ESRRG: variants seen among roughly 807,000 people sequenced by gnomAD.
The protein encoded by ESRRG is estrogen-related receptor gamma.
Under a neutral mutation model 44.0 loss-of-function variants are expected in ESRRG, and 13 were observed. The observed-to-expected ratio is 0.30, with a 90% CI of 0.19 to 0.47. ESRRG has a LOEUF of 0.47. Ranked by LOEUF, ESRRG falls within the 20% of genes least tolerant of loss-of-function variation. ESRRG has a pLI of 1.00. For missense variants in ESRRG, 395 were observed against 580.6 expected (o/e 0.68, Z 3.29); for synonymous variants, 215 against 214.6 (o/e 1.00, Z -0.02).
intron 1 of ESRRG, among the ~76,000 whole-genome samples, chr1:217,047,560 C>A (rs1009676207): frequency 6.6e-6 from 1 of 152,124 alleles, no homozygotes; most frequent in Non-Finnish European, 1.5e-5. Context: ...TCTGAGGAGA[C>A]CTTGTTTCTA....
chr1:216,872,140 C>T, intron 2 of ESRRG, among the ~76,000 whole-genome samples: 1 of 152,138 alleles, frequency 6.6e-6, no homozygotes, highest in East Asian at 1.9e-4. Context: ...CTTCTACCCT[C>T]TATGGTTTCT....
intron 2 of ESRRG, among the ~76,000 whole-genome samples, chr1:216,874,879 G>C (rs903503802): frequency 6.6e-6 from 1 of 152,158 alleles, no homozygotes; most frequent in African/African-American, 2.4e-5. Flanking sequence ...TCCCATGCTG[G>C]ATACTTCCTG....
intron 1 of ESRRG, among the ~76,000 whole-genome samples, chr1:217,097,027 C>A (rs2092434782): frequency 6.6e-6 from 1 of 151,896 alleles, no homozygotes; most frequent in South Asian, 2.1e-4. Context: ...CCAGCCTGGG[C>A]AACATGGCAA....
intron 2 of ESRRG, among the ~76,000 whole-genome samples, chr1:216,934,729 T>C (rs1482614857): frequency 6.6e-6 from 1 of 152,146 alleles, no homozygotes; most frequent in Non-Finnish European, 1.5e-5. Context: ...ATGGGAATTA[T>C]GGGAGCTACA....
chr1:216,774,181 G>A (rs1027394926), intron 2 of ESRRG, among the ~76,000 whole-genome samples: 2 of 152,020 alleles, frequency 1.3e-5, no homozygotes, highest in Admixed American at 6.6e-5. Context: ...TAGAGAGCTC[G>A]GTCAGAACTT....
At chr1:216,992,923 C>T (rs962008596) in intron 1 of ESRRG, among the ~76,000 whole-genome samples, 1 of 152,196 alleles carries the variant, frequency 6.6e-6, no homozygotes, top group Non-Finnish European at 1.5e-5. Flanking sequence ...ATCAAAGAGG[C>T]TTCCTATAAT....
intron 1 of ESRRG, among the ~76,000 whole-genome samples, chr1:216,972,783 A>C (rs540237846): frequency 5.3e-5 from 8 of 152,334 alleles, no homozygotes; most frequent in African/African-American, 1.9e-4. Flanking sequence ...GTACTACATA[A>C]GTGCAACAAG....
At chr1:217,090,973 G>A (rs1037512709), upstream of ESRRG, among the ~76,000 whole-genome samples, 1 of 152,172 alleles carries the variant, frequency 6.6e-6, no homozygotes, top group African/African-American at 2.4e-5. Context: ...GGCAGGTAAA[G>A]CACAGATTAC....
chr1:216,735,172 T>A (rs1394185884), intron 2 of ESRRG, among the ~76,000 whole-genome samples: 1 of 151,894 alleles, frequency 6.6e-6, no homozygotes. Flanking sequence ...CCTCCCAAAG[T>A]GCTGGGATTA....
chr1:217,036,490 G>T (rs908387768), intron 1 of ESRRG, among the ~76,000 whole-genome samples: 1 of 152,090 alleles, frequency 6.6e-6, no homozygotes, highest in African/African-American at 2.4e-5. Context: ...GCCATAAAAA[G>T]GTCCAAGATC....
intron 2 of ESRRG, among the ~76,000 whole-genome samples, chr1:216,768,768 G>T (rs2093237133): frequency 6.6e-6 from 1 of 152,088 alleles, no homozygotes; most frequent in Non-Finnish European, 1.5e-5. Flanking sequence ...TGGGATTACA[G>T]GGGTAAGCCA....
chr1:216,662,756 G>A (rs1265329522), intron 2 of ESRRG, among the ~76,000 whole-genome samples: 1 of 152,054 alleles, frequency 6.6e-6, no homozygotes, highest in Non-Finnish European at 1.5e-5. Context: ...TTTTTGAAAG[G>A]GCCAGATTGT....
rs139525203 is a variant in ESRRG, at chr1:216,529,032, G to A, written c.863-9611C>T. Among the ~76,000 whole-genome samples the A allele has an allele frequency of 9.7e-4, 148 of 152,188 alleles. No homozygotes were observed. In the Middle Eastern group the frequency reaches 0.024, roughly 24 times the overall value. On this transcript the variant is annotated intron_variant, in intron 5 of 6. Transcript: ENST00000408911. ...CCTTTCACTGTGTCTTTACACACAG[G>A]TGTTAATGTAATTTAAATGCCACTT... is the stretch of plus-strand genomic sequence containing the variant.
In ESRRG at chr1:216,795,400, A is replaced by T. The variant is rs556960240; in HGVS notation, c.-13-117909T>A. Among the ~76,000 whole-genome samples the T allele has an allele frequency of 8.0e-3, 1,069 of 134,424 alleles. 7 individuals are homozygous for T. Among genetic ancestry groups the T allele is most frequent in the Non-Finnish European group, 0.011 (722 of 65,878 alleles). The allele number at this position is 134,424 out of a possible 152,430, so 88.2% of individuals were successfully genotyped here. On this transcript the variant is annotated intron_variant, in intron 2 of 7. Coordinates refer to the ESRRG transcript ENST00000359162. The stretch of plus-strand genomic sequence containing the variant: ...ACTTTGTCACCCAGGCTGGAGTGCA[A>T]TGGCGTGATCCTGGCTCACTGCAAC...
chr1:217,135,245 AC>A (rs2093032546), intron 1 of ESRRG, among the ~76,000 whole-genome samples: 1 of 116,380 alleles, frequency 8.6e-6, no homozygotes, highest in South Asian at 2.7e-4. Flanking sequence ...CCCCCTCCTC[AC>A]CCCCTGCTCC....
intron 1 of ESRRG, among the ~76,000 whole-genome samples, chr1:217,084,076 A>G (rs528525825): frequency 3.2e-4 from 49 of 152,154 alleles, no homozygotes; most frequent in Non-Finnish European, 5.4e-4. Flanking sequence ...CACCAAAAAA[A>G]GTCATTAGGT....
chr1:217,063,156 G>T (rs915835906), intron 1 of ESRRG, among the ~76,000 whole-genome samples: 3 of 152,072 alleles, frequency 2.0e-5, no homozygotes, highest in Non-Finnish European at 4.4e-5. Context: ...CAGCAGACAG[G>T]GAAAAGAGGG....
At chr1:216,683,267 C>T (rs1043212984) in intron 1 of ESRRG, among the ~76,000 whole-genome samples, 2 of 152,098 alleles carry the variant, frequency 1.3e-5, no homozygotes, top group African/African-American at 4.8e-5. Flanking sequence ...AATTGTGAAT[C>T]CTGACCCACA....
chr1:217,102,713 A>G (rs1484602835), intron 1 of ESRRG, among the ~76,000 whole-genome samples: 1 of 152,226 alleles, frequency 6.6e-6, no homozygotes, highest in African/African-American at 2.4e-5. Flanking sequence ...TGTTTTTCTA[A>G]TCCATCATTC....
Sources: allele counts gnomAD v4.1 joint callset (sites outside exome capture counted in the v4.1 genomes callset), GRCh38; gene constraint gnomAD v4.1.1; transcripts MANE v1.5; gene names NCBI Gene and HGNC (gene_info 2026-07-23, HGNC 2026-07-21).